Variants in EGF observed in about 807,000 individuals in gnomAD.
The protein encoded by EGF is pro-epidermal growth factor.
Under a neutral mutation model 143.8 loss-of-function variants are expected in EGF, and 95 were observed. The ratio of observed to expected loss-of-function variants is 0.66; its 90% CI spans 0.56 to 0.78. The LOEUF (loss-of-function observed/expected upper bound fraction) is 0.78, where lower values mean the gene tolerates loss of function less well. EGF is among the 30% of genes least tolerant of loss of function. The pLI is 0.00. For missense variants in EGF, 1,320 were observed against 1,470.9 expected, an observed-to-expected ratio of 0.90 and a Z score of 1.68; for synonymous variants, 510 against 510.5, an observed-to-expected ratio of 1.00 and a Z score of 0.01.
rs1173655120 is a variant in EGF at position 109,945,282 on chromosome 4, C to A, written c.940+7C>A. On this transcript the variant is annotated splice_region_variant and intron_variant, in intron 5 of 23. Transcript: ENST00000265171. ...GATGACACTTGGGAGCCTGGTGAGT[C>A]ATCGTTGACCTTGCGCAGGGCCTGA... 12 of 1,612,458 alleles carry A rather than the reference C, an allele frequency of 7.4e-6. No individual in the cohort carries two copies. The highest frequency in any genetic ancestry group is 1.0e-5 in the Non-Finnish European group (12 of 1,178,926).
chr4:109,974,496 T>C (rs1254418881), intron 11 of EGF, among the ~76,000 whole-genome samples: 1 of 152,196 alleles, frequency 6.6e-6, no homozygotes, highest in Non-Finnish European at 1.5e-5. Flanking sequence ...ATTAAAAGTG[T>C]TTACAAATAT....
intron 1 of EGF, among the ~76,000 whole-genome samples, chr4:109,928,956 G>C (rs552728108): frequency 6.6e-6 from 1 of 152,084 alleles, no homozygotes; most frequent in Non-Finnish European, 1.5e-5. Context: ...GGGAGGCTTA[G>C]AATTTTATTT....
At chr4:109,967,915 T>TA (rs1156906473) in intron 10 of EGF, among the ~76,000 whole-genome samples, 1 of 152,116 alleles carries the variant, frequency 6.6e-6, no homozygotes, top group Non-Finnish European at 1.5e-5. Context: ...AGAGATATTT[T>TA]AAAATGATAC....
intron 7 of EGF, 71 bp from the exon 8 acceptor site, chr4:109,961,792 A>T: frequency 1.3e-6 from 2 of 1,594,632 alleles, no homozygotes; most frequent in Non-Finnish European, 1.7e-6. Context: ...TGGCAATATT[A>T]GCAACTGATT....
intron 1 of EGF, among the ~76,000 whole-genome samples, chr4:109,921,588 A>C (rs1324750260): frequency 6.6e-6 from 1 of 151,500 alleles, no homozygotes; most frequent in Non-Finnish European, 1.5e-5. Context: ...CTTTTGGAGA[A>C]AAGCACTGCC....
chr4:110,011,589 G>T lies in EGF; in HGVS notation c.*134G>T. On this transcript the variant is annotated 3_prime_UTR_variant, in exon 24 of 24. Coordinates refer to ENST00000265171, the MANE Select transcript of EGF (RefSeq NM_001963.6). Reference sequence around the variant, plus strand: ...ACTAATCACCTACTCAATGCCTGGAGACAGATACGTAGTTGTGCTTTTGTT... The same window carrying T: ...ACTAATCACCTACTCAATGCCTGGATACAGATACGTAGTTGTGCTTTTGTT... The T allele has an allele frequency of 7.5e-7, 1 of 1,342,090 alleles. No individual in the cohort carries two copies. The highest frequency in any genetic ancestry group is 1.0e-6 in the Non-Finnish European group (1 of 966,712). 83.1% of individuals were successfully genotyped at this position (1,342,090 alleles called of 1,614,324 possible).
chr4:109,978,151 T>TG (rs1482630608), intron 13 of EGF, among the ~76,000 whole-genome samples: 1 of 152,168 alleles, frequency 6.6e-6, no homozygotes, highest in Non-Finnish European at 1.5e-5. Flanking sequence ...CTTCTAAGAG[T>TG]GGATGTTCCA....
chr4:109,980,409 T>G (rs1030780408), intron 14 of EGF, among the ~76,000 whole-genome samples: 5 of 152,196 alleles, frequency 3.3e-5, no homozygotes, highest in Admixed American at 6.5e-5. Flanking sequence ...GGCAGGCAAT[T>G]TAGACACCGG....
chr4:109,917,208 A>T (rs1736815010), intron 1 of EGF, among the ~76,000 whole-genome samples: 1 of 152,220 alleles, frequency 6.6e-6, no homozygotes, highest in African/African-American at 2.4e-5. Context: ...GGATTTTTAA[A>T]GCTATTAAAA....
At chr4:109,944,154 G>A (rs1276645829) in intron 4 of EGF, 85 bp downstream of exon 4, 7 of 1,395,720 alleles carry the variant, frequency 5.0e-6, no homozygotes, top group Non-Finnish European at 7.0e-6. Context: ...CAATGGAACT[G>A]GTATAGTGGT....
intron 1 of EGF, among the ~76,000 whole-genome samples, chr4:109,915,222 C>G (rs945745349): frequency 1.3e-5 from 2 of 152,196 alleles, no homozygotes; most frequent in South Asian, 2.1e-4. Flanking sequence ...TAGAAACAAA[C>G]AAGCCTCATT....
At chr4:109,928,914 T>G (rs1739224684) in intron 1 of EGF, among the ~76,000 whole-genome samples, 1 of 152,194 alleles carries the variant, frequency 6.6e-6, no homozygotes, top group African/African-American at 2.4e-5. Flanking sequence ...TGAAATGCCC[T>G]TGGCTGAGAG....
chr4:109,975,446 C>A lies in EGF; in HGVS notation c.1830-566C>A, dbSNP rs11568991. ...ATGATTAAAACTGTGAGAACGTAACCATTTCTAAATAGGCCAATAAAAATT... is the reference window on the plus strand; with the variant it reads ...ATGATTAAAACTGTGAGAACGTAACAATTTCTAAATAGGCCAATAAAAATT... On this transcript the variant is annotated intron_variant, in intron 12 of 23. Coordinates refer to ENST00000265171, the MANE Select transcript of EGF (RefSeq NM_001963.6). Among the ~76,000 whole-genome samples, 3,006 of 152,174 alleles carry A rather than the reference C, an allele frequency of 0.02. 230 individuals are homozygous for A. The East Asian group carries it at 0.23, about 12-fold the overall frequency.
At chr4:109,982,798 A>T (rs1208588896) in intron 15 of EGF, among the ~76,000 whole-genome samples, 1 of 152,092 alleles carries the variant, frequency 6.6e-6, no homozygotes, top group Admixed American at 6.6e-5. Flanking sequence ...AAGGCAGTTA[A>T]CTTTATAGTA....
chr4:109,918,991 C>T (rs934932950), intron 1 of EGF, among the ~76,000 whole-genome samples: 1 of 152,188 alleles, frequency 6.6e-6, no homozygotes, highest in African/African-American at 2.4e-5. Flanking sequence ...CCTTAATCTA[C>T]TTCAGACCAT....
At chr4:109,918,384 G>T (rs543754822) in intron 1 of EGF, among the ~76,000 whole-genome samples, 6 of 152,200 alleles carry the variant, frequency 3.9e-5, no homozygotes, top group African/African-American at 1.4e-4. Context: ...GGAGTGGAAG[G>T]CCAGATGATG....
chr4:109,983,363 C>G (rs1473019097), intron 15 of EGF, 59 bp from the exon 16 acceptor site: 3 of 1,586,104 alleles, frequency 1.9e-6, no homozygotes, highest in East Asian at 4.5e-5. Flanking sequence ...TAAATGAAAT[C>G]AAACTTTTTT....
At chr4:109,977,036 T>C (rs1026381447) in intron 13 of EGF, among the ~76,000 whole-genome samples, 1 of 152,240 alleles carries the variant, frequency 6.6e-6, no homozygotes, top group Non-Finnish European at 1.5e-5. Flanking sequence ...AAGCCTATAG[T>C]GGTTGTCCAG....
chr4:109,949,077 T>A (rs541156035), intron 5 of EGF, among the ~76,000 whole-genome samples: 121 of 152,118 alleles, frequency 8.0e-4, no homozygotes, highest in Middle Eastern at 6.8e-3. Flanking sequence ...CTCTAGTTCT[T>A]TTTTTTTGAG....
Sources: allele counts gnomAD v4.1 joint callset (sites outside exome capture counted in the v4.1 genomes callset), GRCh38; gene constraint gnomAD v4.1.1; transcripts MANE v1.5; gene names NCBI Gene and HGNC (gene_info 2026-07-23, HGNC 2026-07-21).